Variants in SETD3 observed in about 807,000 individuals in gnomAD.
SETD3 encodes actin-histidine N-methyltransferase.
A neutral mutation model predicts 63.0 loss-of-function variants in SETD3; 19 were observed. The observed-to-expected ratio is 0.30, with a 90% CI of 0.21 to 0.44. The LOEUF is 0.44. SETD3 is among the 20% of genes least tolerant of loss of function. SETD3 has a pLI of 1.00. For synonymous variants in SETD3, 286 were observed against 264.1 expected (o/e 1.08, Z -0.80); for missense variants, 587 against 728.5 (o/e 0.81, Z 2.24).
chr14:99,434,820 C>T (rs1893378906), intron 6 of SETD3, among the ~76,000 whole-genome samples: 1 of 133,452 alleles, frequency 7.5e-6, no homozygotes. Flanking sequence ...GCACTCCAGC[C>T]TGGGCAACAA....
intron 1 of SETD3, among the ~76,000 whole-genome samples, chr14:99,478,585 G>A (rs1356575569): frequency 1.3e-5 from 2 of 152,168 alleles, no homozygotes; most frequent in Non-Finnish European, 2.9e-5. Flanking sequence ...TAGTCACAAA[G>A]CATTCAGAGT....
chr14:99,421,002 G>C (rs1892567357), intron 6 of SETD3, among the ~76,000 whole-genome samples: 1 of 100,406 alleles, frequency 1.0e-5, no homozygotes, highest in South Asian at 3.8e-4. Context: ...AGCTACTGCT[G>C]TCTTCTTTAA....
At chr14:99,412,589 A>G (rs1228665495) in intron 8 of SETD3, 1 of 174,612 alleles carries the variant, frequency 5.7e-6, no homozygotes, top group Non-Finnish European at 1.2e-5. Context: ...TTCCCCAATA[A>G]ATGAGCATTT....
chr14:99,423,225 CA>C (rs755990980), intron 6 of SETD3, among the ~76,000 whole-genome samples: 4 of 152,106 alleles, frequency 2.6e-5, no homozygotes, highest in African/African-American at 9.7e-5. Context: ...CTATAGCTCT[CA>C]AAATCTAAGT....
At chr14:99,485,339 C>T (rs568144872), upstream of SETD3, among the ~76,000 whole-genome samples, 7 of 152,296 alleles carry the variant, frequency 4.6e-5, no homozygotes, top group South Asian at 1.2e-3. Context: ...GCCCCTTTCC[C>T]CTCAACAGAT....
At chr14:99,410,214 G>A in intron 8 of SETD3, 3 of 1,613,742 alleles carry the variant, frequency 1.9e-6, no homozygotes, top group Non-Finnish European at 2.5e-6. Flanking sequence ...ATCTTCTGGT[G>A]TCTGAAGAAT....
intron 6 of SETD3, among the ~76,000 whole-genome samples, chr14:99,453,826 AAG>A (rs1204164008): frequency 6.6e-6 from 1 of 152,082 alleles, no homozygotes; most frequent in Non-Finnish European, 1.5e-5. Context: ...TCTCCACCTC[AAG>A]AAAAAAAAAA....
At chr14:99,459,645 A>G (rs187206284) in intron 4 of SETD3, among the ~76,000 whole-genome samples, 1 of 152,350 alleles carries the variant, frequency 6.6e-6, no homozygotes, top group Non-Finnish European at 1.5e-5. Context: ...CTTCCTCTAC[A>G]TACTTATCTT....
At position 99,400,272 on chromosome 14, in the gene SETD3, C is replaced by G. The variant is rs373133830; in HGVS notation, c.1178-13G>C. The G allele has an allele frequency of 3.1e-6, 5 of 1,607,712 alleles. No homozygotes were observed. The African/African-American group carries it at 6.7e-5, about 22-fold the overall frequency. ...TCTTTCAGTTCTTCTACAAGAAATA[C>G]AAATGGCAATCTGTTAGGAGGAAAA... On this transcript the variant is annotated splice_polypyrimidine_tract_variant and intron_variant, in intron 11 of 12. Coordinates refer to ENST00000331768, the MANE Select transcript of SETD3 (RefSeq NM_032233.3).
intron 6 of SETD3, among the ~76,000 whole-genome samples, chr14:99,421,628 T>C (rs891293427): frequency 1.3e-5 from 2 of 152,162 alleles, no homozygotes; most frequent in East Asian, 1.9e-4. Context: ...AGACAGACAC[T>C]AGCAGTCATC....
chr14:99,419,989 G>C (rs548708262), intron 6 of SETD3, among the ~76,000 whole-genome samples: 1 of 152,128 alleles, frequency 6.6e-6, no homozygotes, highest in African/African-American at 2.4e-5. Context: ...GAGCACCTCC[G>C]AAGTGGAAGG....
chr14:99,428,609 G>A (rs1202228968), intron 6 of SETD3, among the ~76,000 whole-genome samples: 2 of 152,190 alleles, frequency 1.3e-5, no homozygotes, highest in African/African-American at 2.4e-5. Flanking sequence ...TCATGCCACT[G>A]CACTCAGCCT....
chr14:99,461,343 A>G lies in SETD3; in HGVS notation c.197-3T>C. ...TCCATCAAAAGTAACGGACAGACCT[A>G]TATTAATCCACGTTTTAGAAAACAA... On this transcript the variant is annotated splice_region_variant and splice_polypyrimidine_tract_variant and intron_variant, in intron 3 of 12. Coordinates refer to ENST00000331768, the MANE Select transcript of SETD3 (RefSeq NM_032233.3). The G allele has an allele frequency of 1.9e-6, 3 of 1,607,650 alleles. No individual in the cohort carries two copies. Among genetic ancestry groups the G allele is most frequent in the Middle Eastern group, 1.7e-4 (1 of 6,016 alleles).
chr14:99,468,115 C>T (rs1895495651), intron 1 of SETD3, among the ~76,000 whole-genome samples: 1 of 151,344 alleles, frequency 6.6e-6, no homozygotes, highest in South Asian at 2.1e-4. Context: ...AGAATCTGAA[C>T]CCAGAACCAC....
chr14:99,447,853 C>G (rs1274862560), intron 6 of SETD3, among the ~76,000 whole-genome samples: 1 of 152,188 alleles, frequency 6.6e-6, no homozygotes, highest in Non-Finnish European at 1.5e-5. Context: ...AATCCCAACA[C>G]AGAGTAAAAC....
chr14:99,408,860 C>T (rs546084164), intron 8 of SETD3, among the ~76,000 whole-genome samples: 59 of 152,234 alleles, frequency 3.9e-4, no homozygotes, highest in African/African-American at 1.3e-3. Context: ...CCCTCCCTTG[C>T]CTGAAGCCAG....
intron 1 of SETD3, among the ~76,000 whole-genome samples, chr14:99,479,713 G>A (rs561614479): frequency 3.9e-5 from 6 of 152,216 alleles, no homozygotes; most frequent in African/African-American, 1.2e-4. Context: ...AGGCTACGAA[G>A]ATGGGGTAAC....
intron 6 of SETD3, among the ~76,000 whole-genome samples, chr14:99,436,677 C>G (rs180823678): frequency 6.6e-6 from 1 of 152,290 alleles, no homozygotes; most frequent in Admixed American, 6.5e-5. Flanking sequence ...TTCTTCTCGG[C>G]AGCCTCTCCA....
At chr14:99,442,971 G>C (rs184043497) in intron 6 of SETD3, among the ~76,000 whole-genome samples, 442 of 152,254 alleles carry the variant, frequency 2.9e-3, no homozygotes, top group Non-Finnish European at 3.8e-3. Flanking sequence ...TGACGCGGAC[G>C]GGACGCTGAT....
Sources: allele counts gnomAD v4.1 joint callset (sites outside exome capture counted in the v4.1 genomes callset), GRCh38; gene constraint gnomAD v4.1.1; transcripts MANE v1.5; gene names NCBI Gene and HGNC (gene_info 2026-07-23, HGNC 2026-07-21).